Variants in HDAC1 observed in about 807,000 individuals in gnomAD.
The protein encoded by HDAC1 is protein deacetylase HDAC1.
HDAC1 carries 18 observed loss-of-function variants against 65.5 expected under a neutral mutation model. The observed-to-expected ratio is 0.27, with a 90% CI of 0.19 to 0.41. HDAC1 has a LOEUF of 0.41. HDAC1 is among the 10% of genes least tolerant of loss of function. The pLI is 1.00. For missense variants in HDAC1, 373 were observed against 625.2 expected, an observed-to-expected ratio of 0.60 and a Z score of 4.30; for synonymous variants, 211 against 227.9, an observed-to-expected ratio of 0.93 and a Z score of 0.67.
intron 1 of HDAC1, among the ~76,000 whole-genome samples, chr1:32,293,191 G>A (rs561232385): frequency 6.6e-6 from 1 of 151,724 alleles, no homozygotes; most frequent in Admixed American, 6.6e-5. Flanking sequence ...ATGGTGGTGT[G>A]CGCCTGTAAT....
chr1:32,313,493 T>A (rs1441267478), intron 2 of HDAC1, among the ~76,000 whole-genome samples: 1 of 152,172 alleles, frequency 6.6e-6, no homozygotes, highest in East Asian at 1.9e-4. Context: ...AGGGCTTAGA[T>A]CTTTAAAAGG....
At chr1:32,316,608 T>C (rs1265877155) in intron 2 of HDAC1, 57 bp from the exon 3 acceptor site, 3 of 921,002 alleles carry the variant, frequency 3.3e-6, no homozygotes, top group Non-Finnish European at 5.4e-6. Context: ...TCAAACTAGA[T>C]TGACTGGACT....
intron 3 of HDAC1, among the ~76,000 whole-genome samples, chr1:32,319,773 T>A (rs1641114191): frequency 6.6e-6 from 1 of 152,028 alleles, no homozygotes. Context: ...ATTAGTTGTG[T>A]ATGGTGGCAC....
intron 2 of HDAC1, among the ~76,000 whole-genome samples, chr1:32,314,215 G>T (rs150012009): frequency 1.1e-3 from 161 of 152,084 alleles, no homozygotes; most frequent in African/African-American, 3.1e-3. Flanking sequence ...TTTTTGAGAC[G>T]GGGTCTTGCT....
rs1641311551 is a variant in HDAC1 at position 32,332,686 on chromosome 1, A to G, written c.1373-15A>G. The G allele has an allele frequency of 6.4e-7, 1 of 1,551,630 alleles. No individual in the cohort carries two copies. Among genetic ancestry groups the G allele is most frequent in the Non-Finnish European group, 8.7e-7 (1 of 1,146,286 alleles). On this transcript the variant is annotated splice_polypyrimidine_tract_variant and intron_variant, in intron 12 of 13. Transcript: ENST00000373548. ...AGGTGCTGCCCTTGGCCATCCCTGT[A>G]CTCTTGTGTTCTAGAAGTCACCGAA...
At position 32,327,901 on chromosome 1, in the gene HDAC1, T is replaced by C. The variant is rs1641241110; in HGVS notation, c.636+224T>C. 2 of 590,780 alleles carry C rather than the reference T, an allele frequency of 3.4e-6. No individual in the cohort carries two copies. Among genetic ancestry groups the C allele is most frequent in the Non-Finnish European group, 6.1e-6 (2 of 327,510 alleles). The allele number at this position is 590,780 out of a possible 1,614,324, so 36.6% of individuals were successfully genotyped here. A position where few individuals can be genotyped will look rare whatever the true frequency, so the allele number is the denominator to read the frequency against. On this transcript the variant is annotated intron_variant, in intron 6 of 13. Coordinates refer to ENST00000373548, the MANE Select transcript of HDAC1 (RefSeq NM_004964.3). This position sits in a 1 kb window ranked among gnomAD's most constrained non-coding sequence, Gnocchi z 6.0. ...AAAGAAGAGGGGTCTCCTGACTCAC[T>C]GTACTTTCCTCCTGGCCACAGCTGG...
chr1:32,308,491 G>A (rs956122207), intron 2 of HDAC1, among the ~76,000 whole-genome samples: 8 of 152,050 alleles, frequency 5.3e-5, no homozygotes, highest in African/African-American at 1.4e-4. Flanking sequence ...TTTGTGTATG[G>A]GTTTTGTTTT....
intron 1 of HDAC1, among the ~76,000 whole-genome samples, chr1:32,300,731 A>C (rs1233805746): frequency 6.6e-6 from 1 of 152,236 alleles, no homozygotes; most frequent in Admixed American, 6.5e-5. Context: ...TAGTCTGCAC[A>C]GAGGATACTG....
rs1641279966 is a variant in HDAC1, at chr1:32,330,726, G to T, written c.838+40G>T. 1 of 1,614,046 alleles carries T rather than the reference G, an allele frequency of 6.2e-7. No individual in the cohort carries two copies. The highest frequency in any genetic ancestry group is 1.3e-5 in the African/African-American group (1 of 75,022). ...CACAAGGATGGGTGGGCGGGGTCCT[G>T]CTTGGTGCTCCTGTAACTCAGCACC... On this transcript the variant is annotated intron_variant, in intron 8 of 13. Transcript: ENST00000373548. The surrounding 1 kb of genome is among the most constrained non-coding windows in gnomAD (Gnocchi z 4.2).
At chr1:32,322,460 G>A (rs2148068025) in intron 3 of HDAC1, among the ~76,000 whole-genome samples, 1 of 152,122 alleles carries the variant, frequency 6.6e-6, no homozygotes. Flanking sequence ...GTAGAGACGG[G>A]GTTTCTCCAT....
At chr1:32,324,618 G>A in intron 4 of HDAC1, 65 bp downstream of exon 4, 5 of 1,056,560 alleles carry the variant, frequency 4.7e-6, no homozygotes, top group Non-Finnish European at 7.4e-6. Context: ...TGCCTTTTAG[G>A]CTGCTATCCT....
chr1:32,324,566 C>T lies in HDAC1; in HGVS notation c.355+13C>T, dbSNP rs1245503304. ...GGTGGTTCTGTGGGTAAGGAATATT[C>T]ATCTTCTCCCCAGGGGTAGACTGGG... On this transcript the variant is annotated intron_variant, in intron 4 of 13. Transcript: ENST00000373548. The T allele has an allele frequency of 2.5e-6, 4 of 1,573,832 alleles. No individual in the cohort carries two copies. Among genetic ancestry groups the T allele is most frequent in the Non-Finnish European group, 2.6e-6 (3 of 1,143,240 alleles).
At chr1:32,317,796 T>C (rs1284242450) in intron 3 of HDAC1, among the ~76,000 whole-genome samples, 2 of 152,342 alleles carry the variant, frequency 1.3e-5, no homozygotes, top group African/African-American at 2.4e-5. Context: ...TTCCTGTAGA[T>C]GGCTTTAGAG....
chr1:32,324,567 A>G lies in HDAC1; in HGVS notation c.355+14A>G. 1.3e-6 allele frequency: 2 copies of G among 1,575,366 alleles called. No homozygotes were observed. Among genetic ancestry groups the G allele is most frequent in the Non-Finnish European group, 1.7e-6 (2 of 1,144,692 alleles). On this transcript the variant is annotated intron_variant, in intron 4 of 13. Coordinates refer to ENST00000373548, the MANE Select transcript of HDAC1 (RefSeq NM_004964.3). ...GTGGTTCTGTGGGTAAGGAATATTC[A>G]TCTTCTCCCCAGGGGTAGACTGGGT...
At chr1:32,300,443 A>G (rs1026071426) in intron 1 of HDAC1, among the ~76,000 whole-genome samples, 1 of 151,872 alleles carries the variant, frequency 6.6e-6, no homozygotes, top group Non-Finnish European at 1.5e-5. Flanking sequence ...TAATCCCAGC[A>G]ATTTAGGAGG....
In HDAC1 at chr1:32,333,032, C is replaced by A; in HGVS notation, c.1437C>A (p.Val479=). The A allele has an allele frequency of 1.2e-6, 2 of 1,613,846 alleles. No individual in the cohort carries two copies. The highest frequency in any genetic ancestry group is 1.1e-5 in the South Asian group (1 of 90,960). Residue 479 remains valine (V), a synonymous_variant, in exon 14 of 14, where the codon GTC becomes GTA. Coordinates refer to ENST00000373548, the MANE Select transcript of HDAC1 (RefSeq NM_004964.3). ...KPEAKGVKEE[V]KLA is the part of the protein sequence containing the mutation. ...CTCTCCACAGGGTCAAGGAGGAGGT[C>A]AAGTTGGCCTGAATGGACCTCTCCA...
chr1:32,324,142 C>T (rs953303196), intron 3 of HDAC1, among the ~76,000 whole-genome samples: 4 of 151,630 alleles, frequency 2.6e-5, no homozygotes, highest in African/African-American at 7.3e-5. Context: ...GGTATAGTGG[C>T]ATGCACCTGT....
intron 13 of HDAC1, 29 bp downstream of exon 13, chr1:32,332,778 C>T: frequency 1.3e-6 from 2 of 1,540,540 alleles, no homozygotes; most frequent in Non-Finnish European, 8.8e-7. Flanking sequence ...GTGGCCATCT[C>T]CCTGGCATTG....
At chr1:32,299,687 T>C (rs1293326691) in intron 1 of HDAC1, among the ~76,000 whole-genome samples, 2 of 152,126 alleles carry the variant, frequency 1.3e-5, no homozygotes, top group East Asian at 3.9e-4. Context: ...TTTTGCAACA[T>C]TGTTCAAGGA....
Sources: allele counts gnomAD v4.1 joint callset (sites outside exome capture counted in the v4.1 genomes callset), GRCh38; gene constraint gnomAD v4.1.1; non-coding constraint Gnocchi (gnomAD v3.1); transcripts MANE v1.5; gene names NCBI Gene and HGNC (gene_info 2026-07-23, HGNC 2026-07-21).